The following DIAPH2 variants were observed in gnomAD, a reference collection of about 807,000 sequenced individuals.
DIAPH2 encodes the protein diaphanous related formin 2.
Under a neutral mutation model 92.7 loss-of-function variants are expected in DIAPH2, and 35 were observed. The observed-to-expected ratio is 0.38, with a 90% CI of 0.29 to 0.50. The LOEUF (loss-of-function observed/expected upper bound fraction) is 0.50. DIAPH2 is among the 20% of genes least tolerant of loss of function. The pLI is 0.94. For synonymous variants in DIAPH2, 301 were observed against 280.4 expected, an observed-to-expected ratio of 1.07 and a Z score of -0.73; for missense variants, 701 against 819.5, an observed-to-expected ratio of 0.86 and a Z score of 1.77.
chrX:97,328,947 C>T (rs2147664396), intron 23 of DIAPH2, among the ~76,000 whole-genome samples: 1 of 111,868 alleles, frequency 8.9e-6, no homozygotes, highest in African/African-American at 3.2e-5. Context: ...ACTATGTAAA[C>T]ATACTCTGTT....
chrX:96,798,663 G>A (rs918046882), intron 4 of DIAPH2, among the ~76,000 whole-genome samples: 11 of 111,470 alleles, frequency 9.9e-5, no homozygotes, highest in African/African-American at 3.6e-4. Flanking sequence ...ATTAGAATGC[G>A]ACATTGTTGA....
At chrX:97,258,742 G>C (rs776409854) in intron 23 of DIAPH2, among the ~76,000 whole-genome samples, 1 of 105,218 alleles carries the variant, frequency 9.5e-6, no homozygotes, top group East Asian at 3.0e-4. Flanking sequence ...GTGGTGGCGG[G>C]CGCCTGTAGT....
At chrX:97,192,949 A>G (rs1460422526) in intron 22 of DIAPH2, among the ~76,000 whole-genome samples, 1 of 110,632 alleles carries the variant, frequency 9.0e-6, no homozygotes, top group Non-Finnish European at 1.9e-5. Context: ...CTCTGAATAA[A>G]GCAACAAATT....
At chrX:97,407,754 A>C (rs1338732247) in intron 25 of DIAPH2, among the ~76,000 whole-genome samples, 3 of 112,476 alleles carry the variant, frequency 2.7e-5, no homozygotes, top group Non-Finnish European at 5.6e-5. Context: ...TGATATTTGC[A>C]GACAGTAGTG....
At chrX:96,882,206 A>G (rs745542611) in intron 5 of DIAPH2, among the ~76,000 whole-genome samples, 28 of 109,370 alleles carry the variant, frequency 2.6e-4, no homozygotes, top group Non-Finnish European at 4.0e-4. Flanking sequence ...ACGCACCATC[A>G]TGCCTGGCTG....
chrX:97,106,881 A>G, intron 20 of DIAPH2, among the ~76,000 whole-genome samples: 1 of 112,262 alleles, frequency 8.9e-6, no homozygotes. Flanking sequence ...GCAGTGAGCC[A>G]AGATTGTGCC....
intron 4 of DIAPH2, among the ~76,000 whole-genome samples, chrX:96,836,706 TA>T (rs1569409193): frequency 1.2e-3 from 29 of 24,224 alleles, no homozygotes; most frequent in Non-Finnish European, 1.6e-3. Flanking sequence ...TATATATATA[TA>T]TATATATATA....
chrX:96,688,278 G>A (rs1049983442), intron 1 of DIAPH2, among the ~76,000 whole-genome samples: 1 of 112,380 alleles, frequency 8.9e-6, no homozygotes. Flanking sequence ...TAATTTTTCT[G>A]GTTATTATGT....
intron 4 of DIAPH2, among the ~76,000 whole-genome samples, chrX:96,818,827 C>A (rs1309398827): frequency 8.9e-6 from 1 of 112,472 alleles, no homozygotes; most frequent in African/African-American, 3.2e-5. Flanking sequence ...TAGCAATGGT[C>A]CCCCAACTTT....
intron 23 of DIAPH2, among the ~76,000 whole-genome samples, chrX:97,310,545 C>T (rs1252724249): frequency 9.0e-6 from 1 of 111,141 alleles, no homozygotes; most frequent in Non-Finnish European, 1.9e-5. Context: ...GCATTCCAAG[C>T]ATTCCAAATG....
chrX:96,884,511 G>C lies in DIAPH2; in HGVS notation c.587+2793G>C, dbSNP rs1182320949. On this transcript the variant is annotated intron_variant, in intron 5 of 26. Transcript: ENST00000324765. ...TGTTTGACCCTGTGTTCAAGGTTAG[G>C]GGAATTATAGTTTCCCAGGTCTCCA... The C allele has an allele frequency of 5.0e-6, 6 of 1,210,885 alleles. No individual in the cohort carries two copies. Among genetic ancestry groups the C allele is most frequent in the Non-Finnish European group, 6.7e-6 (6 of 895,011 alleles).
intron 23 of DIAPH2, among the ~76,000 whole-genome samples, chrX:97,273,254 A>G (rs2068405931): frequency 1.8e-5 from 2 of 112,435 alleles, no homozygotes; most frequent in Admixed American, 1.9e-4. Context: ...CTCTGAATAT[A>G]TTTCTACATA....
chrX:96,779,758 T>C (rs1282906779), intron 4 of DIAPH2, among the ~76,000 whole-genome samples: 3 of 112,183 alleles, frequency 2.7e-5, no homozygotes, highest in African/African-American at 9.7e-5. Flanking sequence ...AATTATGGTG[T>C]TTACATATAG....
At chrX:96,843,432 T>C (rs1198154780) in intron 4 of DIAPH2, among the ~76,000 whole-genome samples, 1 of 111,788 alleles carries the variant, frequency 8.9e-6, no homozygotes, top group African/African-American at 3.3e-5. Context: ...TAGTAAGACA[T>C]GACTGTGGAA....
At chrX:97,518,031 T>C (rs1183416060) in intron 26 of DIAPH2, among the ~76,000 whole-genome samples, 3 of 112,090 alleles carry the variant, frequency 2.7e-5, no homozygotes, top group Non-Finnish European at 3.8e-5. Context: ...CACTGTAGCG[T>C]TGGGCCAATT....
chrX:96,837,391 C>T (rs2064902784), intron 4 of DIAPH2, among the ~76,000 whole-genome samples: 1 of 92,871 alleles, frequency 1.1e-5, no homozygotes, highest in Non-Finnish European at 2.1e-5. Context: ...TTCCCTCCCT[C>T]CCTTCCTCCC....
chrX:96,783,620 C>CATT (rs1028216679), intron 4 of DIAPH2, among the ~76,000 whole-genome samples: 2 of 112,314 alleles, frequency 1.8e-5, no homozygotes, highest in Non-Finnish European at 3.8e-5. Flanking sequence ...GGTCACAAGG[C>CATT]ATTGCCTCTG....
intron 4 of DIAPH2, among the ~76,000 whole-genome samples, chrX:96,872,493 C>CTT (rs752843624): frequency 8.4e-5 from 8 of 95,431 alleles, no homozygotes; most frequent in African/African-American, 1.1e-4. Flanking sequence ...TTTTCTTTTT[C>CTT]TTTTTTTTTT....
intron 5 of DIAPH2, among the ~76,000 whole-genome samples, chrX:96,886,167 A>T (rs1261659560): frequency 9.1e-6 from 1 of 110,247 alleles, no homozygotes; most frequent in Non-Finnish European, 1.9e-5. Flanking sequence ...AGTGTAGATT[A>T]TATAAATTAT....
Sources: allele counts gnomAD v4.1 joint callset (sites outside exome capture counted in the v4.1 genomes callset), GRCh38; gene constraint gnomAD v4.1.1; transcripts MANE v1.5; gene names NCBI Gene and HGNC (gene_info 2026-07-23, HGNC 2026-07-21).